The following MAP1B variants were observed in gnomAD, a reference collection of about 807,000 sequenced individuals.
MAP1B encodes microtubule-associated protein 1B.
A neutral mutation model predicts 176.1 loss-of-function variants in MAP1B; 12 were observed. The observed-to-expected ratio is 0.07, with a 90% CI of 0.04 to 0.11. The LOEUF is 0.11. Ranked by LOEUF, MAP1B falls within the 10% of genes least tolerant of loss-of-function variation. MAP1B has a pLI of 1.00. For missense variants in MAP1B, 2,523 were observed against 2,990.5 expected (o/e 0.84, Z 3.65); for synonymous variants, 1,044 against 1,135.0 (o/e 0.92, Z 1.61).
chr5:72,108,205 A>T (rs1379761374), intron 1 of MAP1B, among the ~76,000 whole-genome samples: 1 of 152,170 alleles, frequency 6.6e-6, no homozygotes, highest in Admixed American at 6.5e-5. Flanking sequence ...AGCCCCTGAG[A>T]AACGCCTTTT....
chr5:72,116,274 A>G (rs1745435886), intron 2 of MAP1B: 1 of 311,342 alleles, frequency 3.2e-6, no homozygotes, highest in Non-Finnish European at 6.2e-6. Context: ...CAAAAGAAAA[A>G]GGAAACATAT....
chr5:72,144,030 A>G (rs1746001136), intron 2 of MAP1B, among the ~76,000 whole-genome samples: 1 of 152,120 alleles, frequency 6.6e-6, no homozygotes, highest in African/African-American at 2.4e-5. Flanking sequence ...TTATTCAGTC[A>G]TTGAATAAGA....
intron 2 of MAP1B, among the ~76,000 whole-genome samples, chr5:72,170,104 A>G (rs1365171055): frequency 6.6e-6 from 1 of 152,238 alleles, no homozygotes; most frequent in Non-Finnish European, 1.5e-5. Flanking sequence ...GATTCCTGTT[A>G]GTGGAAATTA....
chr5:72,197,685 C>A lies in MAP1B; in HGVS notation c.4330C>A (p.Pro1444Thr), dbSNP rs1002743386. The stretch of plus-strand genomic sequence containing the variant: ...ACAAGGCTCTCCAGACCAAGTAAGT[C>A]CAGTTTCTGAAATGACTTCTACTAG... Reference protein sequence around the residue: ...GKQGSPDQVSPVSEMTSTSLY... With the variant: ...GKQGSPDQVSTVSEMTSTSLY... Residue 1444 changes from proline to threonine, a missense_variant, in exon 5 of 7, where the codon CCA becomes ACA. By Grantham distance (38) the Pro-to-Thr change is conservative. This residue lies in a region of MAP1B where 1,925 missense variants were observed against 2,126.0 expected (regional missense o/e 0.91). Coordinates refer to ENST00000296755, the MANE Select transcript of MAP1B (RefSeq NM_005909.5). 1.2e-6 allele frequency: 2 copies of A among 1,614,038 alleles called. No homozygotes were observed. The highest frequency in any genetic ancestry group is 1.3e-5 in the African/African-American group (1 of 74,982).
chr5:72,115,923 T>G lies in MAP1B; in HGVS notation c.286+124T>G, dbSNP rs1038502711. 6 of 669,774 alleles carry G rather than the reference T, an allele frequency of 9.0e-6. No individual in the cohort carries two copies. The African/African-American group carries it at 1.1e-4, about 12-fold the overall frequency. The allele number at this position is 669,774 out of a possible 1,614,324, so 41.5% of individuals were successfully genotyped here. The stretch of plus-strand genomic sequence containing the variant: ...TAAAAGGATACTTTGTATTTGTTAT[T>G]ATCAACTAGGTTAGCCAGCAGCCAC... On this transcript the variant is annotated intron_variant, in intron 2 of 6. Transcript: ENST00000296755.
rs933230587 is a variant in MAP1B, at chr5:72,179,558, G to A, written c.287-4185G>A. ...TGCGCTGAGAACCCGCCCGCCTGCC[G>A]CAGGAAAGCTGGCACCCACGGGTAT... On this transcript the variant is annotated intron_variant, in intron 2 of 6. Coordinates refer to ENST00000296755, the MANE Select transcript of MAP1B (RefSeq NM_005909.5). The A allele has an allele frequency of 4.3e-5, 41 of 945,192 alleles. No homozygotes were observed. The Admixed American group carries it at 5.5e-4, about 13-fold the overall frequency. 58.6% of individuals were successfully genotyped at this position (945,192 alleles called of 1,614,324 possible). A position where few individuals can be genotyped will look rare whatever the true frequency, so the allele number is the denominator to read the frequency against.
chr5:72,209,382 CTT>C lies in MAP1B; in HGVS notation c.*4144_*4145del, dbSNP rs1169488337. 1.3e-5 allele frequency: 2 copies of C among 152,126 alleles called. No individual in the cohort carries two copies. The highest frequency in any genetic ancestry group is 4.8e-5 in the African/African-American group (2 of 41,430). The allele number at this position is 152,126 out of a possible 1,614,324, so 9.4% of individuals were successfully genotyped here. On this transcript the variant is annotated 3_prime_UTR_variant, in exon 7 of 7. Transcript: ENST00000296755. The stretch of plus-strand genomic sequence containing the variant: ...TCTGCAGCTGTGTATGGTATTATGT[CTT>C]ATAATCCTGCATCACTTCTATCCTA...
In MAP1B at chr5:72,199,403, T is replaced by A. The variant is rs764733269; in HGVS notation, c.6048T>A (p.Ser2016Arg). ...YSYETTEKIT[S>R]FPESEGYSYE... Reference sequence around the variant, plus strand: ...ATGAAACCACTGAGAAAATTACCAGTTTCCCTGAGTCTGAAGGTTATTCCT... The same window carrying A: ...ATGAAACCACTGAGAAAATTACCAGATTCCCTGAGTCTGAAGGTTATTCCT... Residue 2016 changes from serine (S) to arginine (R), a missense_variant, in exon 5 of 7, where the codon AGT becomes AGA. By Grantham distance (110) the Ser-to-Arg change is moderately radical. Coordinates refer to ENST00000296755, the MANE Select transcript of MAP1B (RefSeq NM_005909.5). This position sits in a 1 kb window ranked among gnomAD's most constrained non-coding sequence, Gnocchi z 4.2. The A allele has an allele frequency of 6.2e-7, 1 of 1,613,752 alleles. No homozygotes were observed. Among genetic ancestry groups the A allele is most frequent in the South Asian group, 1.1e-5 (1 of 91,012 alleles).
At position 72,193,983 on chromosome 5, in the gene MAP1B, A is replaced by G; in HGVS notation, c.628A>G (p.Ile210Val). Residue 210 changes from isoleucine to valine, a missense_variant, in exon 5 of 7, where the codon ATC becomes GTC. Around this residue, in one of 4 missense-constraint regions of MAP1B, gnomAD observed 307 missense variants for 438.4 expected, o/e 0.70. Coordinates refer to ENST00000296755, the MANE Select transcript of MAP1B (RefSeq NM_005909.5). Reference sequence around the variant, plus strand: ...TGACAGACACAATCTCCAAGACTTCATCAATATTAAACTCAATTCAGCTTC... The same window carrying G: ...TGACAGACACAATCTCCAAGACTTCGTCAATATTAAACTCAATTCAGCTTC... ...NLDRHNLQDF[I>V]NIKLNSASIL... 1 of 1,614,200 alleles carries G rather than the reference A, an allele frequency of 6.2e-7. No homozygotes were observed. The highest frequency in any genetic ancestry group is 8.5e-7 in the Non-Finnish European group (1 of 1,180,032).
chr5:72,121,209 T>G (rs1177047422), intron 2 of MAP1B, among the ~76,000 whole-genome samples: 4 of 152,248 alleles, frequency 2.6e-5, no homozygotes, highest in African/African-American at 9.6e-5. Flanking sequence ...CTCCTTGCTA[T>G]GATAACCCAT....
intron 2 of MAP1B, among the ~76,000 whole-genome samples, chr5:72,147,647 T>G (rs955255159): frequency 5.3e-5 from 8 of 152,294 alleles, no homozygotes; most frequent in African/African-American, 1.4e-4. Flanking sequence ...TTGGCCAGTA[T>G]TCCTGTGCCC....
Position 72,209,042 on chromosome 5 carries a change from G to A in MAP1B, c.*3803G>A, listed in dbSNP as rs1167562091. Reference sequence around the variant, plus strand: ...TGAAAGCAATTAGGTTATTCACCTGGTATTAAAACTATTTACTGTTAAAAA... The same window carrying A: ...TGAAAGCAATTAGGTTATTCACCTGATATTAAAACTATTTACTGTTAAAAA... On this transcript the variant is annotated 3_prime_UTR_variant, in exon 7 of 7. Transcript: ENST00000296755. 2.0e-5 allele frequency: 3 copies of A among 152,030 alleles called. No homozygotes were observed. Among genetic ancestry groups the A allele is most frequent in the Non-Finnish European group, 1.5e-5 (1 of 68,000 alleles). 9.4% of individuals were successfully genotyped at this position (152,030 alleles called of 1,614,324 possible).
intron 2 of MAP1B, among the ~76,000 whole-genome samples, chr5:72,183,248 G>A (rs1252312843): frequency 6.6e-6 from 1 of 152,230 alleles, no homozygotes; most frequent in Admixed American, 6.5e-5. Context: ...CTGTAAGCCT[G>A]CCTCAGACAG....
chr5:72,196,737 A>G lies in MAP1B; in HGVS notation c.3382A>G (p.Ser1128Gly). Residue 1128 changes from serine (S) to glycine (G), a missense_variant, in exon 5 of 7, where the codon AGT (serine) becomes GGT (glycine). Ser to Gly is a moderately conservative substitution (Grantham distance 56). Coordinates refer to ENST00000296755, the MANE Select transcript of MAP1B (RefSeq NM_005909.5). This position sits in a 1 kb window ranked among gnomAD's most constrained non-coding sequence, Gnocchi z 5.3. ...CACTCAGTCTACTATTGAGATATCCAGTGAGCCCACCCCCATGGATGAGAT... is the reference window on the plus strand; with the variant it reads ...CACTCAGTCTACTATTGAGATATCCGGTGAGCCCACCCCCATGGATGAGAT... Reference protein sequence around the residue: ...GYTQSTIEISSEPTPMDEMST... With the variant: ...GYTQSTIEISGEPTPMDEMST... The G allele has an allele frequency of 6.2e-7, 1 of 1,614,206 alleles. No individual in the cohort carries two copies. Among genetic ancestry groups the G allele is most frequent in the Non-Finnish European group, 8.5e-7 (1 of 1,180,032 alleles).
At position 72,186,757 on chromosome 5, in the gene MAP1B, AG is replaced by A. The variant is rs1191611696; in HGVS notation, c.510+5del. The stretch of plus-strand genomic sequence containing the variant: ...TAGAGATTTTCACCGATCAAGAGGT[AG>A]GTTCGTGTCTGAGAATATCTGTGCT... On this transcript the variant is annotated splice_donor_region_variant and intron_variant, in intron 4 of 6. Coordinates refer to ENST00000296755, the MANE Select transcript of MAP1B (RefSeq NM_005909.5). The surrounding 1 kb of genome is among the most constrained non-coding windows in gnomAD (Gnocchi z 4.3). 1 of 1,613,882 alleles carries A rather than the reference AG, an allele frequency of 6.2e-7. No individual in the cohort carries two copies. The highest frequency in any genetic ancestry group is 8.5e-7 in the Non-Finnish European group (1 of 1,180,032).
chr5:72,116,411 C>G (rs1745439116), intron 2 of MAP1B: 2 of 413,140 alleles, frequency 4.8e-6, no homozygotes, highest in Non-Finnish European at 9.3e-6. Flanking sequence ...TTAAAATAGC[C>G]TTTTTTTCAG....
chr5:72,142,126 T>A (rs1247987247), intron 2 of MAP1B, among the ~76,000 whole-genome samples: 1 of 152,154 alleles, frequency 6.6e-6, no homozygotes, highest in Admixed American at 6.5e-5. Flanking sequence ...CAGTGACAGT[T>A]TGGTGTCCCT....
At position 72,196,539 on chromosome 5, in the gene MAP1B, T is replaced by C. The variant is rs1029235303; in HGVS notation, c.3184T>C (p.Tyr1062His). 4.6e-5 allele frequency: 74 copies of C among 1,613,560 alleles called. No homozygotes were observed. The highest frequency in any genetic ancestry group is 5.9e-5 in the Non-Finnish European group (70 of 1,180,014). ...AAEAGGAEEQYGFLTTPTKQL... is the reference protein window; with the variant it reads ...AAEAGGAEEQHGFLTTPTKQL... ...AGAGGCTGGTGGTGCCGAGGAGCAG[T>C]ATGGATTCCTCACCACACCAACCAA... Residue 1062 changes from tyrosine to histidine, a missense_variant, in exon 5 of 7, where the codon TAT (tyrosine) becomes CAT (histidine). By Grantham distance (83) the Tyr-to-His change is moderately conservative (BLOSUM62 2). Around this residue, in one of 4 missense-constraint regions of MAP1B, gnomAD observed 1,925 missense variants for 2,126.0 expected, o/e 0.91. Coordinates refer to ENST00000296755, the MANE Select transcript of MAP1B (RefSeq NM_005909.5). This position sits in a 1 kb window ranked among gnomAD's most constrained non-coding sequence, Gnocchi z 5.3.
In MAP1B at chr5:72,152,596, G is replaced by A. The variant is rs545536727; in HGVS notation, c.287-31147G>A. 1.6e-4 allele frequency among the ~76,000 whole-genome samples: 24 copies of A among 152,206 alleles called. No individual in the cohort carries two copies. In the South Asian group the frequency reaches 3.3e-3, roughly 21 times the overall value. Reference sequence around the variant, plus strand: ...TGAGTAGCTGGGATTATAGGCACCCGCCAACACGCGCAGCCAGTTTCTGTA... The same window carrying A: ...TGAGTAGCTGGGATTATAGGCACCCACCAACACGCGCAGCCAGTTTCTGTA... On this transcript the variant is annotated intron_variant, in intron 2 of 6. Coordinates refer to ENST00000296755, the MANE Select transcript of MAP1B (RefSeq NM_005909.5).
Sources: gnomAD v4.1 joint callset for allele counts (sites outside exome capture counted in the v4.1 genomes callset) on GRCh38, gnomAD v4.1.1 for gene constraint, gnomAD v4.1.1 regional missense constraint, Gnocchi (gnomAD v3.1) non-coding constraint, MANE v1.5 for transcripts, NCBI Gene and HGNC (gene_info 2026-07-23, HGNC 2026-07-21) for gene names.